Variants in STK32B observed in about 807,000 individuals in gnomAD.
STK32B encodes serine/threonine-protein kinase 32B.
Under a neutral mutation model 52.6 loss-of-function variants are expected in STK32B, and 43 were observed. The observed-to-expected ratio is 0.82, with a 90% CI of 0.64 to 1.05. The LOEUF (loss-of-function observed/expected upper bound fraction) is 1.05. Among genes scored for constraint, STK32B ranks in the 50% least tolerant of loss-of-function variants. The pLI, the probability that STK32B is intolerant of heterozygous loss-of-function variation, is 0.00. For synonymous variants in STK32B, 238 were observed against 204.3 expected, an observed-to-expected ratio of 1.17 and a Z score of -1.41; for missense variants, 621 against 534.6, an observed-to-expected ratio of 1.16 and a Z score of -1.59.
intron 4 of STK32B, among the ~76,000 whole-genome samples, chr4:5,366,328 C>T (rs1187203535): frequency 6.6e-6 from 1 of 152,210 alleles, no homozygotes; most frequent in Non-Finnish European, 1.5e-5. Context: ...GCACCTTCTT[C>T]CTCTTACCTT....
At chr4:5,072,536 C>A (rs1711846331) in intron 1 of STK32B, among the ~76,000 whole-genome samples, 1 of 152,152 alleles carries the variant, frequency 6.6e-6, no homozygotes, top group African/African-American at 2.4e-5. Flanking sequence ...AACACCAAGA[C>A]ACTGAGAAAT....
At chr4:5,382,688 G>A (rs1243226414) in intron 4 of STK32B, among the ~76,000 whole-genome samples, 2 of 152,182 alleles carry the variant, frequency 1.3e-5, no homozygotes, top group Non-Finnish European at 2.9e-5. Context: ...CTCTTCTCCC[G>A]AGCAAGGTTT....
the STK32B span, among the ~76,000 whole-genome samples, chr4:5,038,985 CTTTTTT>C: frequency 8.2e-6 from 1 of 122,352 alleles, no homozygotes; most frequent in African/African-American, 3.2e-5. Flanking sequence ...AAATTTCTTT[CTTTTTT>C]TTTTTTTTTT....
intron 6 of STK32B, among the ~76,000 whole-genome samples, chr4:5,421,999 G>C (rs1013833579): frequency 6.6e-6 from 1 of 152,150 alleles, no homozygotes; most frequent in African/African-American, 2.4e-5. Context: ...CTGAGCTCCT[G>C]AATTATAAAG....
chr4:5,180,530 C>T (rs1350626724), intron 3 of STK32B, among the ~76,000 whole-genome samples: 1 of 152,136 alleles, frequency 6.6e-6, no homozygotes. Context: ...GCCCTGGCCC[C>T]TCCCTGCTTG....
intron 3 of STK32B, among the ~76,000 whole-genome samples, chr4:5,197,625 G>T (rs2108771839): frequency 6.6e-6 from 1 of 152,384 alleles, no homozygotes; most frequent in African/African-American, 2.4e-5. Context: ...AATATTGGTA[G>T]AAGGCATGAA....
intron 3 of STK32B, among the ~76,000 whole-genome samples, chr4:5,243,972 T>C (rs60067981): frequency 0.08 from 12,153 of 152,056 alleles, 733 homozygotes; most frequent in African/African-American, 0.17. Flanking sequence ...GCTGCTGGAT[T>C]CAGTTTGCCA....
At chr4:5,332,336 A>G in intron 4 of STK32B, among the ~76,000 whole-genome samples, 1 of 152,170 alleles carries the variant, frequency 6.6e-6, no homozygotes, top group Non-Finnish European at 1.5e-5. Context: ...ACTGAATTTA[A>G]TGTTGCTACT....
intron 1 of STK32B, among the ~76,000 whole-genome samples, chr4:5,078,054 T>C (rs543461782): frequency 6.8e-4 from 103 of 152,280 alleles, no homozygotes; most frequent in Non-Finnish European, 1.2e-3. Flanking sequence ...CGTCTTAACA[T>C]GGCTGCCACA....
chr4:5,197,655 A>G (rs1721792751), intron 3 of STK32B, among the ~76,000 whole-genome samples: 1 of 152,262 alleles, frequency 6.6e-6, no homozygotes, highest in South Asian at 2.1e-4. Context: ...GAATAGTTGA[A>G]CATAGTCTGC....
intron 3 of STK32B, among the ~76,000 whole-genome samples, chr4:5,182,434 G>A (rs1312982632): frequency 2.0e-5 from 3 of 152,016 alleles, no homozygotes; most frequent in African/African-American, 7.2e-5. Context: ...ACTGGCAGCT[G>A]TAGCCTTACA....
chr4:5,321,009 G>C (rs1398605574), intron 3 of STK32B, among the ~76,000 whole-genome samples: 1 of 152,178 alleles, frequency 6.6e-6, no homozygotes, highest in Non-Finnish European at 1.5e-5. Context: ...ACTCAGAAGA[G>C]TATGCACTGT....
rs116083625 is a variant in STK32B at position 5,453,032 on chromosome 4, C to T, written c.667-3775C>T. Among the ~76,000 whole-genome samples the T allele has an allele frequency of 7.9e-3, 1,197 of 152,206 alleles. 24 individuals are homozygous for T. Among genetic ancestry groups the T allele is most frequent in the African/African-American group, 0.027 (1,117 of 41,536 alleles). ...TTATAAAAGAACCTACGTTTCTCTA[C>T]AACCACTCAAACAGATGACGGCTGA... is the stretch of plus-strand genomic sequence containing the variant. On this transcript the variant is annotated intron_variant, in intron 7 of 11. Transcript: ENST00000282908. This position sits in a 1 kb window ranked among gnomAD's most constrained non-coding sequence, Gnocchi z 4.0.
At chr4:5,163,638 C>T (rs1718634060) in intron 2 of STK32B, among the ~76,000 whole-genome samples, 1 of 151,516 alleles carries the variant, frequency 6.6e-6, no homozygotes, top group Admixed American at 6.6e-5. Context: ...AGACCTTGAC[C>T]TCAAACATTT....
At chr4:5,382,495 TC>T (rs1735997305) in intron 4 of STK32B, among the ~76,000 whole-genome samples, 1 of 151,796 alleles carries the variant, frequency 6.6e-6, no homozygotes, top group Non-Finnish European at 1.5e-5. Context: ...GTGTCCTCCT[TC>T]CCCTTGGGTG....
intron 1 of STK32B, among the ~76,000 whole-genome samples, chr4:5,068,126 C>A (rs184350595): frequency 1.3e-5 from 2 of 152,202 alleles, no homozygotes; most frequent in East Asian, 3.9e-4. Flanking sequence ...CCAACCTATA[C>A]AATTCATCCA....
intron 1 of STK32B, among the ~76,000 whole-genome samples, chr4:5,122,430 C>T (rs1328833548): frequency 2.0e-5 from 3 of 148,038 alleles, no homozygotes; most frequent in Admixed American, 2.0e-4. Context: ...ACTCATTAAC[C>T]TACTTCACTC....
intron 1 of STK32B, among the ~76,000 whole-genome samples, chr4:5,100,420 G>GCCTTCCTTCCCTCCTTCCTCCTTTCTT (rs1560151022): frequency 3.6e-5 from 4 of 110,704 alleles, no homozygotes; most frequent in African/African-American, 1.6e-4. Context: ...CTCCCTCCTT[G>GCCTTCCTTCCCTCCTTCCTCCTTTCTT]CCTTCCTTCC....
chr4:5,133,567 G>A (rs562967232), intron 1 of STK32B, among the ~76,000 whole-genome samples: 1 of 152,318 alleles, frequency 6.6e-6, no homozygotes, highest in South Asian at 2.1e-4. Context: ...GTGGCTCTTT[G>A]TTAAGGGGTC....
Sources: gnomAD v4.1 joint callset for allele counts (sites outside exome capture counted in the v4.1 genomes callset) on GRCh38, gnomAD v4.1.1 for gene constraint, Gnocchi (gnomAD v3.1) non-coding constraint, MANE v1.5 for transcripts, NCBI Gene and HGNC (gene_info 2026-07-23, HGNC 2026-07-21) for gene names.